Variants in IQCE observed in about 807,000 individuals in gnomAD.
The protein encoded by IQCE is IQ domain-containing protein E.
Under a neutral mutation model 96.0 loss-of-function variants are expected in IQCE, and 115 were observed. That is an observed-to-expected ratio of 1.20 (90% CI 1.03 to 1.40). IQCE has a LOEUF of 1.40. IQCE is among the 40% of genes most tolerant of loss of function. The pLI is 0.00. For missense variants in IQCE, 1,041 were observed against 909.1 expected, an observed-to-expected ratio of 1.15 and a Z score of -1.87; for synonymous variants, 412 against 371.2, an observed-to-expected ratio of 1.11 and a Z score of -1.26.
At chr7:2,578,576 G>T in intron 8 of IQCE, 50 bp downstream of exon 8, 1 of 1,597,938 alleles carries the variant, frequency 6.3e-7, no homozygotes, top group Non-Finnish European at 8.6e-7. Context: ...GCTAGTTACT[G>T]GGGACAGCCA....
At chr7:2,581,870 T>C (rs1022389535) in intron 8 of IQCE, among the ~76,000 whole-genome samples, 2 of 151,772 alleles carry the variant, frequency 1.3e-5, no homozygotes, top group Non-Finnish European at 2.9e-5. Flanking sequence ...CCACCGCGCC[T>C]GGCTAATTTT....
chr7:2,575,477 G>T (rs1351811180), intron 6 of IQCE, among the ~76,000 whole-genome samples: 1 of 152,262 alleles, frequency 6.6e-6, no homozygotes, highest in African/African-American at 2.4e-5. Flanking sequence ...TGCAGGGATG[G>T]CCTTGTTGCC....
chr7:2,587,431 G>A (rs1228823909), intron 12 of IQCE, among the ~76,000 whole-genome samples: 2 of 152,054 alleles, frequency 1.3e-5, no homozygotes, highest in East Asian at 1.9e-4. Flanking sequence ...GGCAGCCAGC[G>A]AGGCAGAGGG....
intron 6 of IQCE, among the ~76,000 whole-genome samples, chr7:2,573,935 A>T (rs2969044): frequency 2.6e-5 from 4 of 152,052 alleles, no homozygotes; most frequent in African/African-American, 2.4e-5. Context: ...TTACAACCAC[A>T]GTCTGCTGAT....
chr7:2,567,791 G>A (rs1012699689), intron 2 of IQCE, among the ~76,000 whole-genome samples: 5 of 152,208 alleles, frequency 3.3e-5, no homozygotes, highest in African/African-American at 7.2e-5. Context: ...TCAATTCCAC[G>A]TTTGCTCTGT....
chr7:2,582,582 C>G lies in IQCE; in HGVS notation c.633C>G (p.Val211=), dbSNP rs754383355. The change falls in exon 9 of 22, where the codon GTC becomes GTG. Residue 211 remains valine, a splice_region_variant and synonymous_variant. Transcript: ENST00000402050. ...LAEKRPDASW[V]INGLKQRILK... The stretch of plus-strand genomic sequence containing the variant: ...TGATGGGCACGTTCCCCGGGCAGGT[C>G]ATTAACGGGCTGAAGCAGAGGATCC... The G allele has an allele frequency of 1.2e-6, 2 of 1,613,926 alleles. No individual in the cohort carries two copies. The highest frequency in any genetic ancestry group is 1.1e-5 in the South Asian group (1 of 91,042).
chr7:2,596,038 A>G (rs753378881), intron 16 of IQCE, among the ~76,000 whole-genome samples: 5 of 152,230 alleles, frequency 3.3e-5, no homozygotes, highest in African/African-American at 1.2e-4. Context: ...GAGCCCATGC[A>G]TGTTCAGACG....
In IQCE at chr7:2,578,271, C is replaced by T; in HGVS notation, c.495C>T (p.Asp165=). The T allele has an allele frequency of 6.2e-7, 1 of 1,613,652 alleles. No homozygotes were observed. The highest frequency in any genetic ancestry group is 8.5e-7 in the Non-Finnish European group (1 of 1,179,810). ...KSLHVQKSDV[D]LMRTKLRRLE... is the part of the protein sequence containing the mutation. ...TGCACGTGCAGAAGAGCGACGTGGA[C>T]CTGATGAGAACGAAGCTCCGGCGCC... is the stretch of plus-strand genomic sequence containing the variant. Residue 165 remains aspartate (D), a synonymous_variant, in exon 7 of 22, where the codon GAC becomes GAT. Coordinates refer to ENST00000402050, the MANE Select transcript of IQCE (RefSeq NM_152558.5).
intron 6 of IQCE, among the ~76,000 whole-genome samples, chr7:2,576,411 CT>C (rs965165823): frequency 1.3e-5 from 2 of 151,298 alleles, no homozygotes; most frequent in Non-Finnish European, 2.9e-5. Flanking sequence ...ACTACAGAGT[CT>C]TTTTTTTTCT....
chr7:2,586,170 A>C (rs777080126), intron 11 of IQCE, 38 bp from the exon 12 acceptor site: 2 of 1,587,372 alleles, frequency 1.3e-6, no homozygotes, highest in Non-Finnish European at 1.7e-6. Context: ...AAACCAGCTT[A>C]GCAATGCAAA....
intron 21 of IQCE, among the ~76,000 whole-genome samples, chr7:2,608,072 GC>G (rs1784955170): frequency 6.6e-6 from 1 of 152,224 alleles, no homozygotes; most frequent in Non-Finnish European, 1.5e-5. Context: ...GCTCTTCTGA[GC>G]CCAAAGGGTG....
intron 21 of IQCE, among the ~76,000 whole-genome samples, chr7:2,607,755 T>G (rs1468795126): frequency 6.6e-6 from 1 of 152,130 alleles, no homozygotes; most frequent in Non-Finnish European, 1.5e-5. Context: ...AAAGCCACTC[T>G]CCACCCCAAA....
At chr7:2,602,029 CA>C (rs1364091698) in intron 18 of IQCE, 1 of 157,438 alleles carries the variant, frequency 6.4e-6, no homozygotes, top group Non-Finnish European at 1.4e-5. Flanking sequence ...CTGCGTGGGG[CA>C]GTCTCAGAGG....
In IQCE at chr7:2,578,465, G is replaced by C; in HGVS notation, c.580-11G>C. On this transcript the variant is annotated splice_polypyrimidine_tract_variant and intron_variant, in intron 7 of 21. Transcript: ENST00000402050. ...GAAGGCCGTCTTCATGTCTCAATCT[G>C]CTTACCACAGGGCACGGATTTTGTT... 1.9e-6 allele frequency: 3 copies of C among 1,614,152 alleles called. No homozygotes were observed. Among genetic ancestry groups the C allele is most frequent in the Middle Eastern group, 1.6e-4 (1 of 6,062 alleles).
chr7:2,610,160 T>C lies in IQCE; in HGVS notation c.2086T>C (p.Ter696GlnextTer9), dbSNP rs1252990150. The change falls in exon 22 of 22, where the codon TAG (stop) becomes CAG (glutamine). Residue 696 changes from the stop codon to glutamine (Q), a stop_lost. Coordinates refer to ENST00000402050, the MANE Select transcript of IQCE (RefSeq NM_152558.5). ...PSLPTKNFPV[*>Q] Reference sequence around the variant, plus strand: ...TCTGCCCACGAAGAACTTTCCAGTTTAGGTCCCCGTCACTGTCTCCACGCC... The same window carrying C: ...TCTGCCCACGAAGAACTTTCCAGTTCAGGTCCCCGTCACTGTCTCCACGCC... 9 of 1,566,146 alleles carry C rather than the reference T, an allele frequency of 5.7e-6. No individual in the cohort carries two copies. Among genetic ancestry groups the C allele is most frequent in the Non-Finnish European group, 7.0e-6 (8 of 1,136,116 alleles).
At chr7:2,609,606 A>G (rs1785020102) in intron 21 of IQCE, among the ~76,000 whole-genome samples, 2 of 152,246 alleles carry the variant, frequency 1.3e-5, no homozygotes, top group Non-Finnish European at 2.9e-5. Flanking sequence ...AAATGGTGAG[A>G]ATACTCAGAG....
At chr7:2,567,213 C>T (rs747797218) in intron 2 of IQCE, 50 bp downstream of exon 2, 7 of 1,463,098 alleles carry the variant, frequency 4.8e-6, no homozygotes, top group African/African-American at 4.2e-5. Context: ...GTTGCGCTGC[C>T]CTTGCAGACT....
In IQCE at chr7:2,598,509, G is replaced by C. The variant is rs370246519; in HGVS notation, c.1485G>C (p.Glu495Asp). 3 of 1,609,696 alleles carry C rather than the reference G, an allele frequency of 1.9e-6. No individual in the cohort carries two copies. Among genetic ancestry groups the C allele is most frequent in the Non-Finnish European group, 2.5e-6 (3 of 1,178,048 alleles). Residue 495 changes from glutamate (E) to aspartate (D), a missense_variant, in exon 17 of 22, where the codon GAG (glutamate) becomes GAC (aspartate). Glu to Asp is a conservative substitution (Grantham distance 45). Transcript: ENST00000402050. ...CCACTCCCAGCAGCAGGCACTGCGA[G>C]CAAGACTGGCCGCCGGATTCCAGCG... The part of the protein sequence containing the change: ...PAPTPSSRHC[E>D]QDWPPDSSEE...
intron 3 of IQCE, 125 bp downstream of exon 3, chr7:2,569,124 T>G: frequency 5.8e-6 from 5 of 863,018 alleles, no homozygotes; most frequent in Non-Finnish European, 5.6e-6. Flanking sequence ...GTTGGCCCCA[T>G]TCCCACTGGG....
Sources: gnomAD v4.1 joint callset for allele counts (sites outside exome capture counted in the v4.1 genomes callset) on GRCh38, gnomAD v4.1.1 for gene constraint, MANE v1.5 for transcripts, NCBI Gene and HGNC (gene_info 2026-07-23, HGNC 2026-07-21) for gene names.